FTCDNL1: variants seen among roughly 807,000 people sequenced by gnomAD.
FTCDNL1 encodes formiminotransferase cyclodeaminase N-terminal like, also known as formiminotransferase N-terminal subdomain-containing protein.
FTCDNL1 carries 11 observed loss-of-function variants against 5.9 expected under a neutral mutation model. The ratio of observed to expected loss-of-function variants is 1.87; its 90% CI spans 1.18 to 3.10. The LOEUF is 3.10. Among genes scored for constraint, FTCDNL1 ranks in the 30% most tolerant of loss-of-function variants. FTCDNL1 has a pLI of 0.00. For synonymous variants in FTCDNL1, 58 were observed against 24.8 expected (o/e 2.34, Z -3.99); for missense variants, 115 against 65.5 (o/e 1.76, Z -2.61).
the FTCDNL1 span, among the ~76,000 whole-genome samples, chr2:199,709,768 G>A: frequency 2.6e-5 from 4 of 152,208 alleles, no homozygotes; most frequent in African/African-American, 9.6e-5. Flanking sequence ...TGACGAGGGA[G>A]CAAAGAAGAT....
the FTCDNL1 span, among the ~76,000 whole-genome samples, chr2:199,692,767 A>G: frequency 1.4e-5 from 2 of 147,780 alleles, 1 homozygote; most frequent in African/African-American, 5.4e-5. Flanking sequence ...AGAATAAACT[A>G]TGTACCTCAT....
downstream of FTCDNL1, among the ~76,000 whole-genome samples, chr2:199,805,624 A>C (rs71424237): frequency 0.049 from 7,462 of 152,228 alleles, 268 homozygotes; most frequent in Middle Eastern, 0.12. Context: ...CTGTAATCCC[A>C]GCTACTCCAG....
At chr2:199,735,134 A>C in the FTCDNL1 span, among the ~76,000 whole-genome samples, 29 of 151,040 alleles carry the variant, frequency 1.9e-4, no homozygotes, top group African/African-American at 6.6e-4. Flanking sequence ...AAAAAAAAAA[A>C]ACCACATTAT....
chr2:199,669,139 C>T, the FTCDNL1 span, among the ~76,000 whole-genome samples: 1 of 152,184 alleles, frequency 6.6e-6, no homozygotes, highest in South Asian at 2.1e-4. Flanking sequence ...ACTGAACTTC[C>T]TGGATAACCA....
chr2:199,671,655 G>A, the FTCDNL1 span, among the ~76,000 whole-genome samples: 1 of 151,986 alleles, frequency 6.6e-6, no homozygotes, highest in Non-Finnish European at 1.5e-5. Context: ...ATCCTCAAAG[G>A]TCTACTGTCC....
chr2:199,771,246 T>G (rs149029383), intron 3 of FTCDNL1, among the ~76,000 whole-genome samples: 2 of 152,004 alleles, frequency 1.3e-5, no homozygotes, highest in Non-Finnish European at 2.9e-5. Flanking sequence ...GCCAACGGAG[T>G]GCTACCTATG....
At chr2:199,814,895 A>C (rs1346504832) in intron 4 of FTCDNL1, among the ~76,000 whole-genome samples, 1 of 152,214 alleles carries the variant, frequency 6.6e-6, no homozygotes, top group African/African-American at 2.4e-5. Context: ...TATAGTAGAA[A>C]GAAGTAAGCA....
chr2:199,708,095 TTC>T, the FTCDNL1 span, among the ~76,000 whole-genome samples: 1 of 124,078 alleles, frequency 8.1e-6, no homozygotes, highest in Admixed American at 8.6e-5. Context: ...ATCACTGAGA[TTC>T]TGAGTTTTTT....
chr2:199,760,958 CA>C, intron 3 of FTCDNL1: 1 of 682,472 alleles, frequency 1.5e-6, no homozygotes, highest in South Asian at 1.5e-5. Context: ...AGCTACCTGG[CA>C]GCTGTCTTCC....
At chr2:199,828,504 T>C (rs1235683857) in intron 3 of FTCDNL1, among the ~76,000 whole-genome samples, 1 of 152,170 alleles carries the variant, frequency 6.6e-6, no homozygotes. Flanking sequence ...TCCACTTCCC[T>C]CTACAGTGGA....
chr2:199,788,308 G>C (rs1439619144), intron 3 of FTCDNL1, among the ~76,000 whole-genome samples: 1 of 152,162 alleles, frequency 6.6e-6, no homozygotes, highest in Non-Finnish European at 1.5e-5. Flanking sequence ...CATTCTAGCT[G>C]AGAGAGGGAA....
the FTCDNL1 span, among the ~76,000 whole-genome samples, chr2:199,712,378 T>C: frequency 1.3e-5 from 2 of 152,194 alleles, no homozygotes; most frequent in African/African-American, 2.4e-5. Context: ...CTAATCTTTT[T>C]ATGTGCAAAA....
At chr2:199,765,556 A>ATATATCTTTTTTTTTTTTTTT in intron 3 of FTCDNL1, among the ~76,000 whole-genome samples, 1 of 42,656 alleles carries the variant, frequency 2.3e-5, no homozygotes, top group Admixed American at 4.3e-4. Flanking sequence ...ATATATATAT[A>ATATATCTTTTTTTTTTTTTTT]TTTTTTTTTT....
chr2:199,766,804 A>G (rs986928928), intron 3 of FTCDNL1, among the ~76,000 whole-genome samples: 4 of 152,182 alleles, frequency 2.6e-5, no homozygotes, highest in African/African-American at 9.7e-5. Flanking sequence ...TAATTGCCCT[A>G]GTATTGAATG....
chr2:199,744,417 T>A, the FTCDNL1 span, among the ~76,000 whole-genome samples: 1 of 151,672 alleles, frequency 6.6e-6, no homozygotes, highest in African/African-American at 2.4e-5. Flanking sequence ...GTGCTCTCTC[T>A]CTCTCTCTAC....
At chr2:199,700,872 T>C in the FTCDNL1 span, among the ~76,000 whole-genome samples, 4 of 152,016 alleles carry the variant, frequency 2.6e-5, no homozygotes, top group South Asian at 8.3e-4. Context: ...CCTTTCACCA[T>C]ATACAAAAAT....
the FTCDNL1 span, among the ~76,000 whole-genome samples, chr2:199,689,810 T>C: frequency 8.5e-6 from 1 of 116,998 alleles, no homozygotes; most frequent in Admixed American, 9.2e-5. Flanking sequence ...AAACTCCGTC[T>C]AAAAAAAAAA....
intron 3 of FTCDNL1, among the ~76,000 whole-genome samples, chr2:199,826,677 C>T (rs1702058685): frequency 6.6e-6 from 1 of 152,084 alleles, no homozygotes; most frequent in African/African-American, 2.4e-5. Flanking sequence ...CACCTGTAAT[C>T]CCAGCTACTT....
chr2:199,784,136 T>C (rs1362704321), intron 3 of FTCDNL1, among the ~76,000 whole-genome samples: 1 of 152,164 alleles, frequency 6.6e-6, no homozygotes, highest in African/African-American at 2.4e-5. Flanking sequence ...CTACCCTCCA[T>C]TTACAGGAGA....
Sources: gnomAD v4.1 joint callset for allele counts (sites outside exome capture counted in the v4.1 genomes callset) on GRCh38, gnomAD v4.1.1 for gene constraint, MANE v1.5 for transcripts, NCBI Gene and HGNC (gene_info 2026-07-23, HGNC 2026-07-21) for gene names.